Variants in PRMT8 observed in about 807,000 individuals in gnomAD.
PRMT8 encodes protein arginine N-methyltransferase 8.
Under a neutral mutation model 47.1 loss-of-function variants are expected in PRMT8, and 7 were observed. The ratio of observed to expected loss-of-function variants is 0.15; its 90% CI spans 0.08 to 0.28. The LOEUF (loss-of-function observed/expected upper bound fraction) is 0.28. Ranked by LOEUF, PRMT8 falls within the 10% of genes least tolerant of loss-of-function variation. PRMT8 has a pLI of 1.00. For missense variants in PRMT8, 237 were observed against 505.4 expected, an observed-to-expected ratio of 0.47 and a Z score of 5.09; for synonymous variants, 188 against 186.5, an observed-to-expected ratio of 1.01 and a Z score of -0.07.
At chr12:3,515,213 G>A (rs1368056577) in intron 1 of PRMT8, among the ~76,000 whole-genome samples, 2 of 152,194 alleles carry the variant, frequency 1.3e-5, no homozygotes, top group Non-Finnish European at 2.9e-5. Context: ...GGTTTTGATT[G>A]TGGTGGCGGC....
intron 1 of PRMT8, among the ~76,000 whole-genome samples, chr12:3,520,828 C>T (rs1288296973): frequency 6.6e-6 from 1 of 152,174 alleles, no homozygotes; most frequent in African/African-American, 2.4e-5. Context: ...GAGTAATACA[C>T]ACCTTTGGAA....
At chr12:3,513,537 T>G (rs1030180100) in intron 1 of PRMT8, among the ~76,000 whole-genome samples, 1 of 152,186 alleles carries the variant, frequency 6.6e-6, no homozygotes, top group South Asian at 2.1e-4. Flanking sequence ...CATCTTGGAA[T>G]GTGTTCCTTT....
At chr12:3,549,873 C>T in intron 2 of PRMT8, 63 bp from the exon 3 acceptor site, 2 of 1,582,468 alleles carry the variant, frequency 1.3e-6, no homozygotes, top group Non-Finnish European at 1.7e-6. Flanking sequence ...GGGCTCATAG[C>T]CATGGTGTAC....
intron 1 of PRMT8, among the ~76,000 whole-genome samples, chr12:3,451,312 G>A (rs1263772090): frequency 6.6e-6 from 1 of 152,134 alleles, no homozygotes; most frequent in Non-Finnish European, 1.5e-5. Flanking sequence ...GAAAGCGGGA[G>A]TGACACACCC....
intron 1 of PRMT8, among the ~76,000 whole-genome samples, chr12:3,441,262 TC>T (rs1254470783): frequency 6.6e-6 from 1 of 152,210 alleles, no homozygotes. Flanking sequence ...TTGTAGCATC[TC>T]TTTAAAAGTA....
At chr12:3,581,722 T>C (rs1209740336) in intron 7 of PRMT8, among the ~76,000 whole-genome samples, 2 of 152,160 alleles carry the variant, frequency 1.3e-5, no homozygotes, top group Non-Finnish European at 2.9e-5. Flanking sequence ...TCTCACCTTC[T>C]TCCCAATCAA....
intron 1 of PRMT8, among the ~76,000 whole-genome samples, chr12:3,450,069 G>C (rs1329233205): frequency 6.6e-6 from 1 of 152,106 alleles, no homozygotes; most frequent in Non-Finnish European, 1.5e-5. Context: ...ATCTTGTTTT[G>C]GTTGAGGTGG....
chr12:3,383,097 C>T (rs1481376272), intron 1 of PRMT8, among the ~76,000 whole-genome samples: 1 of 152,168 alleles, frequency 6.6e-6, no homozygotes, highest in Non-Finnish European at 1.5e-5. Flanking sequence ...ACCATCTAGT[C>T]TTGGTAAGTG....
intron 1 of PRMT8, among the ~76,000 whole-genome samples, chr12:3,448,900 C>T (rs1055869325): frequency 1.3e-5 from 2 of 152,018 alleles, no homozygotes; most frequent in East Asian, 1.9e-4. Flanking sequence ...TCCTTGCACC[C>T]CCATAGGCCC....
intron 1 of PRMT8, among the ~76,000 whole-genome samples, chr12:3,427,762 A>G (rs931868000): frequency 1.3e-5 from 2 of 152,172 alleles, no homozygotes; most frequent in African/African-American, 4.8e-5. Context: ...ATTTTAAACA[A>G]CTAGTTAATT....
chr12:3,450,377 A>G (rs1864903494), intron 1 of PRMT8, among the ~76,000 whole-genome samples: 1 of 152,202 alleles, frequency 6.6e-6, no homozygotes, highest in African/African-American at 2.4e-5. Flanking sequence ...TTAAATGTTG[A>G]CAAGTCTCAT....
intron 1 of PRMT8, among the ~76,000 whole-genome samples, chr12:3,434,225 C>G (rs951773356): frequency 6.6e-6 from 1 of 152,058 alleles, no homozygotes; most frequent in African/African-American, 2.4e-5. Context: ...GTAAGGTAGC[C>G]CAGACAGGAG....
intron 1 of PRMT8, among the ~76,000 whole-genome samples, chr12:3,384,599 G>A (rs1864122615): frequency 6.6e-6 from 1 of 152,020 alleles, no homozygotes; most frequent in South Asian, 2.1e-4. Context: ...GTTGCAAGTC[G>A]GCTACAGAGG....
At chr12:3,527,860 C>T (rs1033386251) in intron 1 of PRMT8, among the ~76,000 whole-genome samples, 5 of 152,028 alleles carry the variant, frequency 3.3e-5, no homozygotes, top group Non-Finnish European at 5.9e-5. Flanking sequence ...TTTTGTATGT[C>T]TCTAAAAGAC....
At chr12:3,531,950 C>T (rs1042550449) in intron 1 of PRMT8, among the ~76,000 whole-genome samples, 2 of 152,142 alleles carry the variant, frequency 1.3e-5, no homozygotes, top group East Asian at 1.9e-4. Flanking sequence ...AGAGAGAAGG[C>T]CTGAAGCTGT....
chr12:3,481,864 A>T (rs1292587005), intron 1 of PRMT8, among the ~76,000 whole-genome samples: 1 of 152,228 alleles, frequency 6.6e-6, no homozygotes, highest in African/African-American at 2.4e-5. Flanking sequence ...CTGATGGACC[A>T]AAGTGGCCCA....
chr12:3,469,428 T>G (rs965834035), intron 1 of PRMT8: 1 of 225,096 alleles, frequency 4.4e-6, no homozygotes, highest in South Asian at 6.3e-5. Context: ...ACAGCACAGG[T>G]GCACCCTGCA....
chr12:3,406,407 G>T (rs116594186), intron 1 of PRMT8, among the ~76,000 whole-genome samples: 1 of 152,240 alleles, frequency 6.6e-6, no homozygotes, highest in Non-Finnish European at 1.5e-5. Flanking sequence ...GCAGATTTCT[G>T]TAGTGGACTT....
intron 1 of PRMT8, among the ~76,000 whole-genome samples, chr12:3,417,583 A>G (rs1279562842): frequency 1.3e-5 from 2 of 152,168 alleles, no homozygotes; most frequent in African/African-American, 4.8e-5. Flanking sequence ...GAGGAGCTTT[A>G]TGTATCACTG....
Sources: gnomAD v4.1 joint callset for allele counts (sites outside exome capture counted in the v4.1 genomes callset) on GRCh38, gnomAD v4.1.1 for gene constraint, MANE v1.5 for transcripts, NCBI Gene and HGNC (gene_info 2026-07-23, HGNC 2026-07-21) for gene names.